The following KLHL5 variants were observed in gnomAD, a reference collection of about 807,000 sequenced individuals.
KLHL5 encodes kelch like family member 5, also known as kelch-like protein 5.
KLHL5 carries 48 observed loss-of-function variants against 77.7 expected under a neutral mutation model. That is an observed-to-expected ratio of 0.62 (90% CI 0.49 to 0.79). The LOEUF is 0.79. KLHL5 is among the 30% of genes least tolerant of loss of function. The pLI, the probability that KLHL5 is intolerant of heterozygous loss-of-function variation, is 0.00. For missense variants in KLHL5, 723 were observed against 859.7 expected (o/e 0.84, Z 1.99); for synonymous variants, 260 against 297.0 (o/e 0.88, Z 1.28).
upstream of KLHL5, among the ~76,000 whole-genome samples, chr4:39,057,349 A>C (rs1445630322): frequency 1.3e-5 from 2 of 152,210 alleles, no homozygotes; most frequent in East Asian, 3.8e-4. Context: ...TTGCATTTAC[A>C]GAAATACAGG....
At chr4:39,109,940 C>A (rs1222084197) in intron 8 of KLHL5, among the ~76,000 whole-genome samples, 2 of 152,156 alleles carry the variant, frequency 1.3e-5, no homozygotes, top group Non-Finnish European at 2.9e-5. Flanking sequence ...CCCACCTTGG[C>A]CTCCCAAATC....
rs577824687 is a variant in KLHL5 at position 39,084,989 on chromosome 4, T to C, written c.901-1526T>C. On this transcript the variant is annotated intron_variant, in intron 4 of 10. Coordinates refer to ENST00000504108, the MANE Select transcript of KLHL5 (RefSeq NM_015990.5). ...TGTAAATAATAATACAGAGAAGTAT[T>C]GTTAGGTAGTCAGCTTTGCTTTTTG... Among the ~76,000 whole-genome samples the C allele has an allele frequency of 2.6e-5, 4 of 152,264 alleles. No homozygotes were observed. The South Asian group carries it at 8.3e-4, about 32-fold the overall frequency.
chr4:39,130,906 G>A (rs1361946734), downstream of KLHL5, among the ~76,000 whole-genome samples: 1 of 147,232 alleles, frequency 6.8e-6, no homozygotes, highest in Non-Finnish European at 1.5e-5. Flanking sequence ...TTAATGGTGT[G>A]ATCTCGGCTC....
At chr4:39,138,804 T>C in the KLHL5 span, among the ~76,000 whole-genome samples, 1 of 152,020 alleles carries the variant, frequency 6.6e-6, no homozygotes, top group South Asian at 2.1e-4. Context: ...CTATAACCAT[T>C]TGAATAAAAT....
chr4:39,072,686 C>G (rs1718599195), intron 1 of KLHL5, among the ~76,000 whole-genome samples: 1 of 152,162 alleles, frequency 6.6e-6, no homozygotes, highest in Admixed American at 6.5e-5. Flanking sequence ...AAATGTGCTT[C>G]ATCGCTCACC....
At chr4:39,059,561 A>G (rs929604866), upstream of KLHL5, among the ~76,000 whole-genome samples, 3 of 152,162 alleles carry the variant, frequency 2.0e-5, no homozygotes, top group African/African-American at 7.2e-5. Context: ...AGCCTGGCCA[A>G]TATGGTGAAA....
intron 4 of KLHL5, among the ~76,000 whole-genome samples, chr4:39,084,142 T>C (rs969500530): frequency 1.7e-4 from 26 of 152,152 alleles, no homozygotes; most frequent in African/African-American, 6.0e-4. Context: ...TTTGGTAACA[T>C]GATAGTTGTG....
At chr4:39,108,888 G>A (rs1722235996) in intron 8 of KLHL5, among the ~76,000 whole-genome samples, 2 of 152,116 alleles carry the variant, frequency 1.3e-5, no homozygotes, top group Non-Finnish European at 2.9e-5. Context: ...AAGAATAACT[G>A]CCTTCTCTAA....
At chr4:39,082,981 T>C (rs1351240718) in intron 4 of KLHL5, among the ~76,000 whole-genome samples, 1 of 152,088 alleles carries the variant, frequency 6.6e-6, no homozygotes, top group Non-Finnish European at 1.5e-5. Flanking sequence ...TTTAAATGCT[T>C]CAGTTTAGGG....
chr4:39,113,128 A>C lies in KLHL5; in HGVS notation c.1797A>C (p.Arg599Ser). Residue 599 changes from arginine (R) to serine (S), a missense_variant, in exon 9 of 11, where the codon AGA becomes AGC. Transcript: ENST00000504108. ...WTLCAQMSKRRGGVGVTTWNG... is the reference protein window; with the variant it reads ...WTLCAQMSKRSGGVGVTTWNG... ...TGTGTGCACAGATGTCAAAAAGGAGAGGTGGCGTAGGAGTGACGACCTGGA... is the reference window on the plus strand; with the variant it reads ...TGTGTGCACAGATGTCAAAAAGGAGCGGTGGCGTAGGAGTGACGACCTGGA... The C allele has an allele frequency of 6.2e-7, 1 of 1,614,118 alleles. No homozygotes were observed. The highest frequency in any genetic ancestry group is 8.5e-7 in the Non-Finnish European group (1 of 1,179,982).
chr4:39,073,011 G>A (rs1718632026), intron 1 of KLHL5, among the ~76,000 whole-genome samples: 1 of 152,142 alleles, frequency 6.6e-6, no homozygotes, highest in Admixed American at 6.5e-5. Flanking sequence ...AGCCTGATTT[G>A]AGCAGTTCAC....
At chr4:39,075,872 T>G (rs1290913780) in intron 1 of KLHL5, 93 bp from the exon 2 acceptor site, 4 of 985,970 alleles carry the variant, frequency 4.1e-6, no homozygotes. Flanking sequence ...TGATTTCTTC[T>G]ATTACATTTG....
In KLHL5 at chr4:39,123,024, T is replaced by C. The variant is rs529527322; in HGVS notation, c.*1958T>C. 6.6e-6 allele frequency among the ~76,000 whole-genome samples: 1 copy of C among 152,288 alleles called. No individual in the cohort carries two copies. Among genetic ancestry groups the C allele is most frequent in the African/African-American group, 2.4e-5 (1 of 41,578 alleles). ...TTAGAAAAGTAGATGCAATATAATA[T>C]ATTTCAAGTTTTATACATATTAGAT... On this transcript the variant is annotated 3_prime_UTR_variant, in exon 11 of 11. Coordinates refer to ENST00000504108, the MANE Select transcript of KLHL5 (RefSeq NM_015990.5).
chr4:39,120,905 ACC>A, intron 10 of KLHL5, 103 bp from the exon 11 acceptor site: 1 of 880,880 alleles, frequency 1.1e-6, no homozygotes, highest in South Asian at 1.5e-5. Flanking sequence ...CAGGGCAACA[ACC>A]CTTTGCCAAC....
chr4:39,120,194 G>A (rs1723117261), intron 10 of KLHL5: 1 of 152,188 alleles, frequency 6.6e-6, no homozygotes, highest in African/African-American at 2.4e-5. Context: ...TGGGTCAAAT[G>A]CATAGATTCT....
intron 1 of KLHL5, among the ~76,000 whole-genome samples, chr4:39,054,088 A>G (rs1716848330): frequency 6.6e-6 from 1 of 152,110 alleles, no homozygotes; most frequent in East Asian, 1.9e-4. Flanking sequence ...ACTTGCTTTT[A>G]GTTTGGTCAG....
chr4:39,063,370 AAACTATAGAAGAT>A (rs1717603271), intron 1 of KLHL5, among the ~76,000 whole-genome samples: 1 of 152,256 alleles, frequency 6.6e-6, no homozygotes, highest in South Asian at 2.1e-4. Flanking sequence ...ATTCATATCA[AAACTATAGAAGAT>A]ATTTCTATAG....
At chr4:39,073,370 G>A (rs1718675233) in intron 1 of KLHL5, among the ~76,000 whole-genome samples, 1 of 126,486 alleles carries the variant, frequency 7.9e-6, no homozygotes, top group Non-Finnish European at 1.7e-5. Context: ...TGTGTTAGAT[G>A]ATGGCAGTTC....
At chr4:39,097,669 A>G (rs1721186377) in intron 6 of KLHL5, among the ~76,000 whole-genome samples, 1 of 152,344 alleles carries the variant, frequency 6.6e-6, no homozygotes. Flanking sequence ...TGTCAGTGTC[A>G]TGAAATATAA....
Sources: gnomAD v4.1 joint callset for allele counts (sites outside exome capture counted in the v4.1 genomes callset) on GRCh38, gnomAD v4.1.1 for gene constraint, MANE v1.5 for transcripts, NCBI Gene and HGNC (gene_info 2026-07-23, HGNC 2026-07-21) for gene names.